Variants in ARIH2 observed in about 807,000 individuals in gnomAD.
ARIH2 encodes the protein E3 ubiquitin-protein ligase ARIH2.
Under a neutral mutation model 79.8 loss-of-function variants are expected in ARIH2, and 12 were observed. That is an observed-to-expected ratio of 0.15 (90% CI 0.10 to 0.24). The LOEUF is 0.24. ARIH2 is among the 10% of genes least tolerant of loss of function. The probability of loss-of-function intolerance (pLI) is 1.00; values close to 1 mark genes in which losing one functional copy is unlikely to be tolerated. For synonymous variants in ARIH2, 224 were observed against 213.9 expected, an observed-to-expected ratio of 1.05 and a Z score of -0.41; for missense variants, 301 against 618.3, an observed-to-expected ratio of 0.49 and a Z score of 5.44.
chr3:48,963,101 A>G (rs1457764963), intron 4 of ARIH2, among the ~76,000 whole-genome samples: 1 of 152,128 alleles, frequency 6.6e-6, no homozygotes, highest in Non-Finnish European at 1.5e-5. Context: ...CGGGCTGAAC[A>G]CAACTGGGAA....
intron 1 of ARIH2, chr3:48,919,363 C>T (rs1325899169): frequency 1.3e-5 from 7 of 525,492 alleles, no homozygotes; most frequent in African/African-American, 2.0e-5. Flanking sequence ...GCTGCCCGCG[C>T]GGTTTAACGC....
At chr3:48,937,775 C>T (rs1283257060) in intron 3 of ARIH2, among the ~76,000 whole-genome samples, 3 of 152,066 alleles carry the variant, frequency 2.0e-5, no homozygotes, top group Admixed American at 6.6e-5. Flanking sequence ...TGGCCAGGCG[C>T]GGTGGCTCAC....
chr3:48,966,143 G>A (rs558784015), intron 5 of ARIH2, among the ~76,000 whole-genome samples: 2 of 152,202 alleles, frequency 1.3e-5, no homozygotes, highest in South Asian at 4.1e-4. Flanking sequence ...TGTTTATCTA[G>A]GAGCTAAACG....
At chr3:48,934,948 T>TA in intron 3 of ARIH2, 1 of 985,406 alleles carries the variant, frequency 1.0e-6, no homozygotes, top group Non-Finnish European at 1.2e-6. Context: ...CAAGGGGTGA[T>TA]ACGGTATTTG....
At chr3:48,934,599 G>A (rs539248257) in intron 3 of ARIH2, 12 of 985,330 alleles carry the variant, frequency 1.2e-5, no homozygotes, top group Middle Eastern at 5.2e-4. Flanking sequence ...AAATTCCTGC[G>A]TTTCAAATAG....
At position 48,981,655 on chromosome 3, in the gene ARIH2, T is replaced by TG; in HGVS notation, c.1258-4dup. 6.2e-7 allele frequency: 1 copy of TG among 1,612,668 alleles called. No homozygotes were observed. Among genetic ancestry groups the TG allele is most frequent in the South Asian group, 1.1e-5 (1 of 90,976 alleles). On this transcript the variant is annotated splice_polypyrimidine_tract_variant and splice_region_variant and intron_variant, in intron 13 of 15. Transcript: ENST00000356401. ...ACAGGTTCCTTCTCTTCTCTCCTGT[T>TG]GCAGTGTCGATACACCCTGCAATAC...
In ARIH2 at chr3:48,985,436, C is replaced by T. The variant is rs2092881005; in HGVS notation, c.*2166C>T. On this transcript the variant is annotated 3_prime_UTR_variant, in exon 16 of 16. Transcript: ENST00000356401. Reference sequence around the variant, plus strand: ...GGACACAGTATTTTCATGAATTTACCATATATCTTTGTTTTTCTTCAACGA... The same window carrying T: ...GGACACAGTATTTTCATGAATTTACTATATATCTTTGTTTTTCTTCAACGA... The T allele has an allele frequency of 6.6e-6, 1 of 152,184 alleles. No homozygotes were observed. The highest frequency in any genetic ancestry group is 2.4e-5 in the African/African-American group (1 of 41,426). The allele number at this position is 152,184 out of a possible 1,614,324, so 9.4% of individuals were successfully genotyped here. A position where few individuals can be genotyped will look rare whatever the true frequency, so the allele number is the denominator to read the frequency against.
At chr3:48,975,436 C>T (rs1228086455) in intron 11 of ARIH2, among the ~76,000 whole-genome samples, 1 of 152,216 alleles carries the variant, frequency 6.6e-6, no homozygotes, top group Non-Finnish European at 1.5e-5. Flanking sequence ...GAATAATTTA[C>T]ATAGCTAGAA....
At chr3:48,983,143 A>C in intron 15 of ARIH2, 56 bp from the exon 16 acceptor site, 1 of 1,599,840 alleles carries the variant, frequency 6.3e-7, no homozygotes, top group Non-Finnish European at 8.6e-7. Context: ...GGCTTTGGCT[A>C]CTCCTTGCTC....
intron 4 of ARIH2, among the ~76,000 whole-genome samples, chr3:48,962,191 G>A (rs1028147117): frequency 4.6e-5 from 7 of 152,126 alleles, no homozygotes; most frequent in Middle Eastern, 3.4e-3. Context: ...AGCCTGGCCA[G>A]CATGATGAAA....
intron 2 of ARIH2, among the ~76,000 whole-genome samples, chr3:48,923,289 T>C (rs550718323): frequency 7.3e-5 from 11 of 151,380 alleles, no homozygotes; most frequent in African/African-American, 2.7e-4. Flanking sequence ...TAATCCCAGC[T>C]ACTGAGAGAC....
At chr3:48,940,770 G>C (rs1247404334) in intron 3 of ARIH2, among the ~76,000 whole-genome samples, 18 of 138,894 alleles carry the variant, frequency 1.3e-4, no homozygotes, top group African/African-American at 4.1e-4. Context: ...ACTTCAGCCT[G>C]GGTGATAAAG....
intron 1 of ARIH2, chr3:48,922,310 C>CTTTTTTTT (rs879519601): frequency 1.4e-5 from 2 of 143,624 alleles, no homozygotes; most frequent in African/African-American, 5.1e-5. Context: ...AGATTACTTT[C>CTTTTTTTT]TTTTTTTTTT....
chr3:48,964,832 TAA>T (rs2091617764), intron 4 of ARIH2, 85 bp from the exon 5 acceptor site: 2 of 1,039,292 alleles, frequency 1.9e-6, no homozygotes. Context: ...AAAGATGCTC[TAA>T]ACATCTTTCT....
At chr3:48,925,736 T>C (rs2085491429) in intron 2 of ARIH2, among the ~76,000 whole-genome samples, 1 of 151,940 alleles carries the variant, frequency 6.6e-6, no homozygotes, top group African/African-American at 2.4e-5. Flanking sequence ...TTTTTTTTTT[T>C]TGAGATGGAG....
chr3:48,975,496 A>G (rs576195568), intron 11 of ARIH2, among the ~76,000 whole-genome samples: 11 of 152,318 alleles, frequency 7.2e-5, no homozygotes, highest in Admixed American at 6.5e-4. Context: ...AATCCCTTCA[A>G]GTAGAAAATA....
chr3:48,972,131 C>T (rs1214100488), intron 8 of ARIH2, among the ~76,000 whole-genome samples: 1 of 152,146 alleles, frequency 6.6e-6, no homozygotes. Context: ...GCTAAGGAGT[C>T]CTTCTCAGAG....
rs963896030 is a variant in ARIH2, at chr3:48,940,633, A to G, written c.255+12820A>G. 4.0e-5 allele frequency among the ~76,000 whole-genome samples: 6 copies of G among 151,792 alleles called. No individual in the cohort carries two copies. In the East Asian group the frequency reaches 1.2e-3, roughly 30 times the overall value. On this transcript the variant is annotated intron_variant, in intron 3 of 15. Coordinates refer to ENST00000356401, the MANE Select transcript of ARIH2 (RefSeq NM_006321.4). Reference sequence around the variant, plus strand: ...GAAACCCCATCTCTACATCTCTACTAAAAATACAAAAATTAGTCAGGCATG... The same window carrying G: ...GAAACCCCATCTCTACATCTCTACTGAAAATACAAAAATTAGTCAGGCATG...
intron 14 of ARIH2, 126 bp from the exon 15 acceptor site, chr3:48,982,770 A>G: frequency 1.4e-6 from 1 of 703,664 alleles, no homozygotes; most frequent in Non-Finnish European, 2.5e-6. Flanking sequence ...CTACTTTCTG[A>G]GGACAGTATC....
Sources: allele counts gnomAD v4.1 joint callset (sites outside exome capture counted in the v4.1 genomes callset), GRCh38; gene constraint gnomAD v4.1.1; transcripts MANE v1.5; gene names NCBI Gene and HGNC (gene_info 2026-07-23, HGNC 2026-07-21).